AGO1: variants seen among roughly 807,000 people sequenced by gnomAD.
AGO1 encodes argonaute RISC component 1, also known as protein argonaute-1.
Under a neutral mutation model 109.2 loss-of-function variants are expected in AGO1, and 11 were observed. The observed-to-expected ratio is 0.10, with a 90% CI of 0.06 to 0.17. The LOEUF (loss-of-function observed/expected upper bound fraction) is 0.17. AGO1 is among the 10% of genes least tolerant of loss of function. AGO1 has a pLI of 1.00. For synonymous variants in AGO1, 422 were observed against 418.6 expected, an observed-to-expected ratio of 1.01 and a Z score of -0.10; for missense variants, 574 against 1,140.3, an observed-to-expected ratio of 0.50 and a Z score of 7.15.
chr1:35,902,396 TC>T (rs1645434320), intron 11 of AGO1, 59 bp downstream of exon 11: 12 of 1,587,406 alleles, frequency 7.6e-6, no homozygotes, highest in Non-Finnish European at 1.0e-5. Flanking sequence ...CTGCCTGCCT[TC>T]CTGTAGTCCA....
At chr1:35,918,278 G>A (rs773214229) in intron 16 of AGO1, 44 bp from the exon 17 acceptor site, 1 of 1,493,384 alleles carries the variant, frequency 6.7e-7, no homozygotes, top group Non-Finnish European at 9.3e-7. Flanking sequence ...CCTGGTTAGG[G>A]CCAGGCAGGT....
At chr1:35,915,607 T>C in intron 15 of AGO1, 65 bp downstream of exon 15, 1 of 1,464,410 alleles carries the variant, frequency 6.8e-7, no homozygotes, top group Non-Finnish European at 9.3e-7. Context: ...GCTACTACCT[T>C]TTCTAAGCTA....
chr1:35,896,509 C>T (rs959243127), intron 8 of AGO1, among the ~76,000 whole-genome samples: 16 of 149,698 alleles, frequency 1.1e-4, no homozygotes, highest in African/African-American at 3.0e-4. Flanking sequence ...TACAGGTGTG[C>T]GCCACCGTGC....
At chr1:35,916,978 A>G (rs1351484595) in intron 15 of AGO1, among the ~76,000 whole-genome samples, 2 of 152,224 alleles carry the variant, frequency 1.3e-5, no homozygotes, top group Non-Finnish European at 2.9e-5. Flanking sequence ...TTGGATTTAA[A>G]TCTAATTGAT....
rs915999164 is a variant in AGO1 at position 35,930,275 on chromosome 1, T to G, written c.*10668T>G. 1 of 151,898 alleles carries G rather than the reference T, an allele frequency of 6.6e-6. No individual in the cohort carries two copies. The highest frequency in any genetic ancestry group is 1.5e-5 in the Non-Finnish European group (1 of 67,972). The allele number at this position is 151,898 out of a possible 1,614,324, so 9.4% of individuals were successfully genotyped here. On this transcript the variant is annotated 3_prime_UTR_variant, in exon 19 of 19. Coordinates refer to ENST00000373204, the MANE Select transcript of AGO1 (RefSeq NM_012199.5). ...AAAAGGCGTCTCAGATGTCTTTCGT[T>G]GAGACGCAAAAAAAAGCTGTGGGGT...
Position 35,870,577 on chromosome 1 carries a change from T to C in AGO1, c.-201+674T>C, listed in dbSNP as rs200001523. Among the ~76,000 whole-genome samples, 641 of 152,306 alleles carry C rather than the reference T, an allele frequency of 4.2e-3. 3 individuals are homozygous for C. The highest frequency in any genetic ancestry group is 0.02 in the Middle Eastern group (6 of 294). ...GATTACAGGCGTGAGCCACCGCGCC[T>C]GGCCATATGTATGTTATAAAGGAGA... On this transcript the variant is annotated intron_variant, in intron 1 of 18. Transcript: ENST00000373206.
chr1:35,883,467 G>A lies in AGO1; in HGVS notation c.25+21G>A. 1 of 1,552,480 alleles carries A rather than the reference G, an allele frequency of 6.4e-7. No homozygotes were observed. Among genetic ancestry groups the A allele is most frequent in the Non-Finnish European group, 8.7e-7 (1 of 1,155,754 alleles). Reference sequence around the variant, plus strand: ...AGCAGGTAAGGGTCCCCAGGAGGGGGAACGGTGCATGCTCCAAGGACTGGG... The same window carrying A: ...AGCAGGTAAGGGTCCCCAGGAGGGGAAACGGTGCATGCTCCAAGGACTGGG... On this transcript the variant is annotated intron_variant, in intron 1 of 18. Transcript: ENST00000373204. The surrounding 1 kb of genome is among the most constrained non-coding windows in gnomAD (Gnocchi z 5.4).
chr1:35,885,984 TTG>T (rs1178866820), intron 1 of AGO1, among the ~76,000 whole-genome samples: 7 of 152,172 alleles, frequency 4.6e-5, no homozygotes, highest in Non-Finnish European at 7.4e-5. Flanking sequence ...AACCTTGAAT[TTG>T]TGTCTTTTGA....
chr1:35,881,215 G>A (rs1421640379), upstream of AGO1, among the ~76,000 whole-genome samples: 1 of 152,172 alleles, frequency 6.6e-6, no homozygotes, highest in African/African-American at 2.4e-5. Context: ...AGCATCATCA[G>A]CCTTATCTGG....
At position 35,917,616 on chromosome 1, in the gene AGO1, C is replaced by G; in HGVS notation, c.2052C>G (p.Ala684=). The G allele has an allele frequency of 6.2e-7, 1 of 1,613,344 alleles. No individual in the cohort carries two copies. The highest frequency in any genetic ancestry group is 8.5e-7 in the Non-Finnish European group (1 of 1,179,394). The change falls in exon 16 of 19, where the codon GCC becomes GCG. Residue 684 remains alanine (A), a synonymous_variant. Coordinates refer to ENST00000373204, the MANE Select transcript of AGO1 (RefSeq NM_012199.5). ...LPQILHYELL[A]IRDACIKLEK... ...AGATACTCCACTATGAGCTACTGGC[C>G]ATTCGTGATGCCTGCATCAAACTGG...
At chr1:35,881,354 C>G (rs988336313), upstream of AGO1, among the ~76,000 whole-genome samples, 1 of 151,988 alleles carries the variant, frequency 6.6e-6, no homozygotes, top group Non-Finnish European at 1.5e-5. Context: ...GAGTTTCACT[C>G]TTGTTGCCCA....
chr1:35,929,566 T>G lies in AGO1; in HGVS notation c.*9959T>G, dbSNP rs2148732312. 6.6e-6 allele frequency: 1 copy of G among 152,294 alleles called. No individual in the cohort carries two copies. The highest frequency in any genetic ancestry group is 2.4e-5 in the African/African-American group (1 of 41,566). The allele number at this position is 152,294 out of a possible 1,614,324, so 9.4% of individuals were successfully genotyped here. On this transcript the variant is annotated 3_prime_UTR_variant, in exon 19 of 19. Transcript: ENST00000373204. Reference sequence around the variant, plus strand: ...CCCTGTCAGATGCTGCTACCAAGATTTGGATTGTGTACAGTCGAGGATTAA... The same window carrying G: ...CCCTGTCAGATGCTGCTACCAAGATGTGGATTGTGTACAGTCGAGGATTAA...
At chr1:35,870,455 T>C (rs929985052) in intron 1 of AGO1, among the ~76,000 whole-genome samples, 3 of 152,088 alleles carry the variant, frequency 2.0e-5, no homozygotes, top group Admixed American at 2.0e-4. Context: ...GGCTAATTTT[T>C]TGTATTTTTA....
chr1:35,912,222 G>A (rs942892566), intron 12 of AGO1, among the ~76,000 whole-genome samples: 1 of 152,002 alleles, frequency 6.6e-6, no homozygotes, highest in African/African-American at 2.4e-5. Flanking sequence ...AACCGGACAT[G>A]GTGGCGGGCA....
chr1:35,875,534 C>A (rs570004058), intron 1 of AGO1, among the ~76,000 whole-genome samples: 1 of 152,252 alleles, frequency 6.6e-6, no homozygotes, highest in Non-Finnish European at 1.5e-5. Context: ...CTGCCTCAGC[C>A]TCCTGAGTAG....
chr1:35,918,628 A>T (rs549169783), intron 17 of AGO1, among the ~76,000 whole-genome samples: 2 of 151,990 alleles, frequency 1.3e-5, no homozygotes, highest in African/African-American at 2.4e-5. Flanking sequence ...GCTAACTGCA[A>T]CCTCCACCTT....
rs779124968 is a variant in AGO1 at position 35,893,828 on chromosome 1, T to C, written c.649+18T>C. On this transcript the variant is annotated intron_variant, in intron 5 of 18. Transcript: ENST00000373204. This position sits in a 1 kb window ranked among gnomAD's most constrained non-coding sequence, Gnocchi z 5.6. The stretch of plus-strand genomic sequence containing the variant: ...CATTGATGGTGAGTGGGGAGAGCTA[T>C]GGAGCCAGGGGCACCCCAAGTCCAG... 1 of 1,606,804 alleles carries C rather than the reference T, an allele frequency of 6.2e-7. No individual in the cohort carries two copies. Among genetic ancestry groups the C allele is most frequent in the South Asian group, 1.1e-5 (1 of 90,280 alleles).
intron 8 of AGO1, among the ~76,000 whole-genome samples, chr1:35,897,266 C>T (rs1455323271): frequency 6.6e-6 from 1 of 152,070 alleles, no homozygotes; most frequent in Non-Finnish European, 1.5e-5. Context: ...TAGGGAGGTC[C>T]TCTTTTAGGA....
upstream of AGO1, among the ~76,000 whole-genome samples, chr1:35,881,737 G>A (rs992860341): frequency 6.6e-6 from 1 of 152,188 alleles, no homozygotes; most frequent in Non-Finnish European, 1.5e-5. Context: ...AGTAAGGACC[G>A]GTTATGGTCC....
Sources: allele counts gnomAD v4.1 joint callset (sites outside exome capture counted in the v4.1 genomes callset), GRCh38; gene constraint gnomAD v4.1.1; non-coding constraint Gnocchi (gnomAD v3.1); transcripts MANE v1.5; gene names NCBI Gene and HGNC (gene_info 2026-07-23, HGNC 2026-07-21).